The following PCCA variants were observed in gnomAD, a reference collection of about 807,000 sequenced individuals.
PCCA encodes the protein propionyl-CoA carboxylase alpha chain, mitochondrial.
A neutral mutation model predicts 101.3 loss-of-function variants in PCCA; 74 were observed. That is an observed-to-expected ratio of 0.73 (90% confidence interval 0.61 to 0.89). The LOEUF is 0.89. PCCA is among the 40% of genes least tolerant of loss of function. PCCA has a pLI of 0.00. For missense variants in PCCA, 891 were observed against 907.0 expected (o/e 0.98, Z 0.23); for synonymous variants, 294 against 313.6 (o/e 0.94, Z 0.66).
At chr13:100,393,189 A>C (rs2076887289) in intron 19 of PCCA, among the ~76,000 whole-genome samples, 1 of 152,188 alleles carries the variant, frequency 6.6e-6, no homozygotes, top group South Asian at 2.1e-4. Context: ...ACGATTGCTC[A>C]ATATGATTAT....
intron 21 of PCCA, among the ~76,000 whole-genome samples, chr13:100,472,830 C>G (rs535247409): frequency 2.2e-4 from 34 of 151,456 alleles, no homozygotes; most frequent in African/African-American, 7.3e-4. Context: ...CAGTGTCTTT[C>G]TGGGTCTGTA....
At chr13:100,334,506 A>G (rs992039253) in intron 17 of PCCA, among the ~76,000 whole-genome samples, 5 of 152,194 alleles carry the variant, frequency 3.3e-5, no homozygotes, top group Admixed American at 3.3e-4. Flanking sequence ...GGTGGTGCTC[A>G]GTTTTAGAGC....
At chr13:100,360,223 A>G (rs1438921397) in intron 18 of PCCA, among the ~76,000 whole-genome samples, 4 of 151,656 alleles carry the variant, frequency 2.6e-5, no homozygotes, top group Non-Finnish European at 5.9e-5. Flanking sequence ...CTTCACTATC[A>G]TGAGAACAGC....
At chr13:100,523,309 GTCCTCTGAAAATAAATGGA>G (rs1328575837) in intron 22 of PCCA, among the ~76,000 whole-genome samples, 1 of 152,168 alleles carries the variant, frequency 6.6e-6, no homozygotes, top group African/African-American at 2.4e-5. Flanking sequence ...TGGGGAAAGA[GTCCTCTGAAAATAAATGGA>G]ACTTGATAGA....
chr13:100,211,767 G>A (rs748530474), intron 7 of PCCA, among the ~76,000 whole-genome samples: 24 of 151,902 alleles, frequency 1.6e-4, no homozygotes, highest in African/African-American at 4.1e-4. Context: ...TTGAGACAAG[G>A]TCTTGTTCTA....
At chr13:100,374,094 A>T (rs968618378) in intron 19 of PCCA, among the ~76,000 whole-genome samples, 3 of 152,186 alleles carry the variant, frequency 2.0e-5, no homozygotes, top group African/African-American at 7.2e-5. Context: ...CCTGGGTGAC[A>T]GAGTGAGACT....
chr13:100,503,506 T>C (rs777285219), intron 21 of PCCA, among the ~76,000 whole-genome samples: 1 of 151,138 alleles, frequency 6.6e-6, no homozygotes, highest in African/African-American at 2.4e-5. Flanking sequence ...AAAAAAGAAA[T>C]TATAATAAAA....
intron 8 of PCCA, among the ~76,000 whole-genome samples, chr13:100,248,651 T>C (rs2061585512): frequency 6.6e-6 from 1 of 152,222 alleles, no homozygotes; most frequent in South Asian, 2.1e-4. Flanking sequence ...GTGGTTTGTT[T>C]CCTGGTTGAG....
At chr13:100,529,354 C>T (rs1011882867) in intron 23 of PCCA, among the ~76,000 whole-genome samples, 1 of 152,132 alleles carries the variant, frequency 6.6e-6, no homozygotes. Context: ...CTGCAGTGGC[C>T]GATGAGTTCT....
chr13:100,446,456 A>G (rs1237411365), intron 20 of PCCA, among the ~76,000 whole-genome samples: 27 of 152,200 alleles, frequency 1.8e-4, no homozygotes, highest in Admixed American at 1.8e-3. Flanking sequence ...ATTTTGTACT[A>G]TGCATTTATC....
intron 7 of PCCA, 151 bp downstream of exon 7, chr13:100,209,614 A>G: frequency 1.6e-6 from 1 of 639,358 alleles, no homozygotes; most frequent in Non-Finnish European, 2.8e-6. Flanking sequence ...ATGTTTAAAA[A>G]ATCAGTGTTT....
intron 19 of PCCA, among the ~76,000 whole-genome samples, chr13:100,422,105 T>TCTTC (rs2078839889): frequency 6.9e-6 from 1 of 145,282 alleles, no homozygotes; most frequent in East Asian, 2.0e-4. Context: ...TTTCTTTCTT[T>TCTTC]CTTTCTTTCT....
At chr13:100,108,783 C>T (rs534365551) in intron 2 of PCCA, among the ~76,000 whole-genome samples, 1 of 152,326 alleles carries the variant, frequency 6.6e-6, no homozygotes, top group Admixed American at 6.5e-5. Context: ...CTTTTATAGG[C>T]ATAGCCTACC....
At chr13:100,524,661 C>T (rs1204911308) in intron 22 of PCCA, among the ~76,000 whole-genome samples, 11 of 152,114 alleles carry the variant, frequency 7.2e-5, no homozygotes, top group Admixed American at 2.6e-4. Flanking sequence ...CACTTGAGGT[C>T]AGGAGTTTGA....
chr13:100,112,842 C>T (rs1056088484), intron 4 of PCCA, among the ~76,000 whole-genome samples: 2 of 151,708 alleles, frequency 1.3e-5, no homozygotes, highest in Non-Finnish European at 2.9e-5. Flanking sequence ...TCCCAAAGTG[C>T]TGGGATTACA....
intron 21 of PCCA, chr13:100,491,175 C>T (rs766938461): frequency 6.5e-6 from 1 of 153,404 alleles, no homozygotes; most frequent in Non-Finnish European, 1.4e-5. Flanking sequence ...GTAGACTGTA[C>T]GAGGATTTTT....
chr13:100,272,763 TAC>T (rs1007081117), intron 11 of PCCA, among the ~76,000 whole-genome samples: 3 of 152,204 alleles, frequency 2.0e-5, no homozygotes, highest in African/African-American at 7.2e-5. Flanking sequence ...ATTTTGGGGT[TAC>T]AAATAAATTT....
intron 4 of PCCA, among the ~76,000 whole-genome samples, chr13:100,132,607 G>T (rs1182262309): frequency 1.3e-5 from 2 of 152,114 alleles, no homozygotes; most frequent in Non-Finnish European, 1.5e-5. Context: ...ATTATGAATA[G>T]AACTGTTGTA....
chr13:100,257,845 A>T (rs975410061), intron 9 of PCCA, among the ~76,000 whole-genome samples, 172 bp downstream of exon 9: 2 of 152,192 alleles, frequency 1.3e-5, no homozygotes, highest in African/African-American at 4.8e-5. Flanking sequence ...TTCCTTATTT[A>T]TATTTTGATG....
Sources: allele counts gnomAD v4.1 joint callset (sites outside exome capture counted in the v4.1 genomes callset), GRCh38; gene constraint gnomAD v4.1.1; transcripts MANE v1.5; gene names NCBI Gene and HGNC (gene_info 2026-07-23, HGNC 2026-07-21).